MTRF1L: variants seen among roughly 807,000 people sequenced by gnomAD.
MTRF1L encodes peptide chain release factor 1-like, mitochondrial.
In MTRF1L, 29 loss-of-function variants were observed where a neutral mutation model predicts 40.0. The ratio of observed to expected loss-of-function variants is 0.73; its 90% confidence interval spans 0.54 to 0.99. MTRF1L has a LOEUF of 0.99. Ranked by LOEUF, MTRF1L falls within the 50% of genes least tolerant of loss-of-function variation. MTRF1L has a pLI of 0.00. For missense variants in MTRF1L, 412 were observed against 464.5 expected, an observed-to-expected ratio of 0.89 and a Z score of 1.04; for synonymous variants, 150 against 175.8, an observed-to-expected ratio of 0.85 and a Z score of 1.16.
At chr6:152,996,119 T>G (rs1778706134) in intron 2 of MTRF1L, among the ~76,000 whole-genome samples, 1 of 152,210 alleles carries the variant, frequency 6.6e-6, no homozygotes, top group Admixed American at 6.5e-5. Context: ...TGGGTAAGTA[T>G]TATTAACAGT....
intron 2 of MTRF1L, among the ~76,000 whole-genome samples, chr6:152,997,850 CTTT>C (rs975957230): frequency 6.6e-6 from 1 of 151,756 alleles, no homozygotes; most frequent in African/African-American, 2.4e-5. Flanking sequence ...TTGGCTCCTC[CTTT>C]TTTTTGTTTC....
intron 2 of MTRF1L, among the ~76,000 whole-genome samples, chr6:152,997,753 C>T (rs1013766787): frequency 6.6e-6 from 1 of 152,158 alleles, no homozygotes; most frequent in African/African-American, 2.4e-5. Context: ...TCTCCTACAC[C>T]AGTGCTCCTG....
rs1197871617 is a variant in MTRF1L, at chr6:152,994,517, G to A, written c.683C>T (p.Thr228Ile). Residue 228 changes from threonine (T) to isoleucine (I), a missense_variant, in exon 4 of 7, where the codon ACT (threonine) becomes ATT (isoleucine). Physicochemically the swap from Thr to Ile is moderately conservative, Grantham distance 89. Transcript: ENST00000367233. ...TMTVAILPQP[T>I]EINLVINPKD... ...GGAGAGGGGCTTATGCCTTACCTCA[G>A]TAGGCTGGGGTAATATTGCTACAGT... 20 of 1,609,340 alleles carry A rather than the reference G, an allele frequency of 1.2e-5. No individual in the cohort carries two copies. The highest frequency in any genetic ancestry group is 2.2e-4 in the Middle Eastern group (1 of 4,464).
At chr6:152,999,660 C>G (rs906423111) in intron 1 of MTRF1L, among the ~76,000 whole-genome samples, 1 of 152,126 alleles carries the variant, frequency 6.6e-6, no homozygotes, top group Non-Finnish European at 1.5e-5. Flanking sequence ...GTGAATAAGT[C>G]TTACAAGATC....
At position 152,990,105 on chromosome 6, in the gene MTRF1L, G is replaced by A. The variant is rs1778454550; in HGVS notation, c.943-10C>T. 1.2e-6 allele frequency: 2 copies of A among 1,610,378 alleles called. No homozygotes were observed. Among genetic ancestry groups the A allele is most frequent in the African/African-American group, 2.7e-5 (2 of 74,750 alleles). On this transcript the variant is annotated splice_polypyrimidine_tract_variant and intron_variant, in intron 6 of 6. Coordinates refer to ENST00000367233, the MANE Select transcript of MTRF1L (RefSeq NM_019041.7). ...TTCCTTTACTTCCAATCTGTATATA[G>A]AGAAAAAGATGAGATGCAGCTAGAT...
chr6:153,002,461 C>G lies in MTRF1L; in HGVS notation c.225G>C (p.Glu75Asp). ...LAVIKLLNEKERELRETEHLL... is the reference protein window; with the variant it reads ...LAVIKLLNEKDRELRETEHLL... ...AGTGCTCAGTCTCCCGCAGCTCCCG[C>G]TCCTTCTCGTTCAGCAGTTTGATCA... The change falls in exon 1 of 7, where the codon GAG becomes GAC. Residue 75 changes from glutamate (E) to aspartate (D), a missense_variant. Glu to Asp is a conservative substitution (Grantham distance 45). Transcript: ENST00000367233. 1 of 1,613,944 alleles carries G rather than the reference C, an allele frequency of 6.2e-7. No individual in the cohort carries two copies. Among genetic ancestry groups the G allele is most frequent in the Non-Finnish European group, 8.5e-7 (1 of 1,179,874 alleles).
chr6:152,998,863 T>G, intron 1 of MTRF1L: 1 of 267,400 alleles, frequency 3.7e-6, no homozygotes, highest in Non-Finnish European at 7.0e-6. Context: ...TTTTTTCTGA[T>G]AAAGTACAAG....
chr6:152,997,751 A>G (rs1174569109), intron 2 of MTRF1L, among the ~76,000 whole-genome samples: 1 of 152,180 alleles, frequency 6.6e-6, no homozygotes, highest in Non-Finnish European at 1.5e-5. Flanking sequence ...CCTCTCCTAC[A>G]CCAGTGCTCC....
intron 6 of MTRF1L, among the ~76,000 whole-genome samples, 176 bp downstream of exon 6, chr6:152,991,009 A>G (rs1317447410): frequency 6.6e-6 from 1 of 152,250 alleles, no homozygotes; most frequent in African/African-American, 2.4e-5. Flanking sequence ...ACCTTTGAAT[A>G]TAGAAAACAG....
chr6:152,994,430 A>C, intron 4 of MTRF1L, 83 bp downstream of exon 4: 1 of 1,382,886 alleles, frequency 7.2e-7, no homozygotes, highest in South Asian at 1.6e-5. Context: ...TAGATACTCA[A>C]TTCAGTAAAC....
chr6:152,989,970 C>T lies in MTRF1L; in HGVS notation c.1068G>A (p.Leu356=), dbSNP rs1408521748. 5 of 1,613,658 alleles carry T rather than the reference C, an allele frequency of 3.1e-6. No homozygotes were observed. Among genetic ancestry groups the T allele is most frequent in the Non-Finnish European group, 8.5e-7 (1 of 1,179,818 alleles). Residue 356 remains leucine, a synonymous_variant, in exon 7 of 7, where the codon CTG becomes CTA. Transcript: ENST00000367233. ...LETFMQGDYL[L]DELVQSLKEY... ...CCTTCAATGACTGTACAAGTTCATC[C>T]AGTAGATAATCTCCTTGCATAAAAG...
At chr6:152,996,885 C>T (rs1778732672) in intron 2 of MTRF1L, among the ~76,000 whole-genome samples, 1 of 152,110 alleles carries the variant, frequency 6.6e-6, no homozygotes. Context: ...CAGGGGACTT[C>T]AAGAAGTTGT....
rs1778380726 is a variant in MTRF1L at position 152,987,571 on chromosome 6, G to A, written c.*2324C>T. ...GTCTGCGAAGTAATTCTGGACAAGA[G>A]CAGTGGTAATGGAATTGAAAAGGAT... is the stretch of plus-strand genomic sequence containing the variant. On this transcript the variant is annotated 3_prime_UTR_variant, in exon 7 of 7. Coordinates refer to ENST00000367233, the MANE Select transcript of MTRF1L (RefSeq NM_019041.7). 6.6e-6 allele frequency: 1 copy of A among 151,946 alleles called. No homozygotes were observed. The highest frequency in any genetic ancestry group is 2.4e-5 in the African/African-American group (1 of 41,346). The allele number at this position is 151,946 out of a possible 1,614,324, so 9.4% of individuals were successfully genotyped here. A position where few individuals can be genotyped will look rare whatever the true frequency, so the allele number is the denominator to read the frequency against.
chr6:152,993,506 C>CCTAG (rs1358612254), intron 4 of MTRF1L, among the ~76,000 whole-genome samples: 1 of 152,104 alleles, frequency 6.6e-6, no homozygotes, highest in Non-Finnish European at 1.5e-5. Flanking sequence ...AATGCTTTGT[C>CCTAG]CTAGGAGCCA....
intron 2 of MTRF1L, 63 bp downstream of exon 2, chr6:152,998,487 C>A (rs1778794992): frequency 2.4e-6 from 3 of 1,253,338 alleles, no homozygotes; most frequent in Non-Finnish European, 2.2e-6. Context: ...TTTTATAAAC[C>A]TTTAATAAAC....
chr6:152,992,907 T>C lies in MTRF1L; in HGVS notation c.755A>G (p.Gln252Arg), dbSNP rs1395945816. The C allele has an allele frequency of 6.2e-7, 1 of 1,612,558 alleles. No homozygotes were observed. The highest frequency in any genetic ancestry group is 1.7e-5 in the Admixed American group (1 of 60,028). The change falls in exon 5 of 7, where the codon CAG becomes CGG. Residue 252 changes from glutamine (Q) to arginine (R), a missense_variant. By Grantham distance (43) the Gln-to-Arg change is conservative. Coordinates refer to ENST00000367233, the MANE Select transcript of MTRF1L (RefSeq NM_019041.7). ...DTKRASGAGGQHVNTTDSAVR... is the reference protein window; with the variant it reads ...DTKRASGAGGRHVNTTDSAVR... ...AGCACTGTCCGTGGTATTTACATGCTGCCCCCCAGCTCCACTGGCTCGCTT... is the reference window on the plus strand; with the variant it reads ...AGCACTGTCCGTGGTATTTACATGCCGCCCCCCAGCTCCACTGGCTCGCTT...
chr6:152,989,781 T>C lies in MTRF1L; in HGVS notation c.*114A>G. ...ATCTATGACTTCAGAATATGCATATTACCTCCAACTGTGTTAACTCAACGT... is the reference window on the plus strand; with the variant it reads ...ATCTATGACTTCAGAATATGCATATCACCTCCAACTGTGTTAACTCAACGT... On this transcript the variant is annotated 3_prime_UTR_variant, in exon 7 of 7. Coordinates refer to ENST00000367233, the MANE Select transcript of MTRF1L (RefSeq NM_019041.7). 8.1e-7 allele frequency: 1 copy of C among 1,228,624 alleles called. No homozygotes were observed. Among genetic ancestry groups the C allele is most frequent in the Non-Finnish European group, 1.1e-6 (1 of 910,832 alleles). The allele number at this position is 1,228,624 out of a possible 1,614,324, so 76.1% of individuals were successfully genotyped here.
rs746629052 is a variant in MTRF1L, at chr6:152,989,951, A to C, written c.1087T>G (p.Leu363Val). Residue 363 changes from leucine to valine, a missense_variant, in exon 7 of 7, where the codon TTG (leucine) becomes GTG (valine). By Grantham distance (32) the Leu-to-Val change is conservative (BLOSUM62 1). Transcript: ENST00000367233. Reference sequence around the variant, plus strand: ...GATTCATAATCGGCGTATTCCTTCAATGACTGTACAAGTTCATCCAGTAGA... The same window carrying C: ...GATTCATAATCGGCGTATTCCTTCACTGACTGTACAAGTTCATCCAGTAGA... ...DYLLDELVQS[L>V]KEYADYESLV... The C allele has an allele frequency of 1.9e-6, 3 of 1,613,664 alleles. No individual in the cohort carries two copies. Among genetic ancestry groups the C allele is most frequent in the South Asian group, 2.2e-5 (2 of 90,930 alleles).
chr6:152,990,032 C>T lies in MTRF1L; in HGVS notation c.1006G>A (p.Asp336Asn), dbSNP rs750746290. 7.4e-6 allele frequency: 12 copies of T among 1,613,738 alleles called. No individual in the cohort carries two copies. The East Asian group carries it at 2.0e-4, about 27-fold the overall frequency. ...TYNFPQNRVT[D>N]HRINKTLHDL... The stretch of plus-strand genomic sequence containing the variant: ...TGCAGCGTCTTGTTTATTCTGTGAT[C>T]TGTGACCCGGTTCTGTGGAAAATTA... Residue 336 changes from aspartate (D) to asparagine (N), a missense_variant, in exon 7 of 7, where the codon GAT (aspartate) becomes AAT (asparagine). Physicochemically the swap from Asp to Asn is conservative, Grantham distance 23 (BLOSUM62 1). Transcript: ENST00000367233.
Sources: allele counts gnomAD v4.1 joint callset (sites outside exome capture counted in the v4.1 genomes callset), GRCh38; gene constraint gnomAD v4.1.1; transcripts MANE v1.5; gene names NCBI Gene and HGNC (gene_info 2026-07-23, HGNC 2026-07-21).